ACLY: variants seen among roughly 807,000 people sequenced by gnomAD.
ACLY encodes ATP-citrate synthase.
Under a neutral mutation model 133.0 loss-of-function variants are expected in ACLY, and 41 were observed. The ratio of observed to expected loss-of-function variants is 0.31; its 90% CI spans 0.24 to 0.40. The LOEUF is 0.40. Ranked by LOEUF, ACLY falls within the 10% of genes least tolerant of loss-of-function variation. The probability of loss-of-function intolerance (pLI) is 1.00; values close to 1 mark genes in which losing one functional copy is unlikely to be tolerated. For synonymous variants in ACLY, 495 were observed against 549.3 expected (o/e 0.90, Z 1.38); for missense variants, 1,046 against 1,453.8 (o/e 0.72, Z 4.56).
chr17:41,896,930 C>T (rs373457762), intron 13 of ACLY, among the ~76,000 whole-genome samples: 1 of 152,190 alleles, frequency 6.6e-6, no homozygotes, highest in African/African-American at 2.4e-5. Flanking sequence ...CCAGCGCCTC[C>T]CCCAGGCCCT....
upstream of ACLY, among the ~76,000 whole-genome samples, chr17:41,921,057 C>T (rs1395608513): frequency 6.7e-6 from 1 of 148,626 alleles, no homozygotes; most frequent in African/African-American, 2.5e-5. Context: ...ACCCAGGAGG[C>T]GGAGGTTGCA....
chr17:41,899,521 T>A (rs188829125), intron 11 of ACLY, among the ~76,000 whole-genome samples: 1 of 152,214 alleles, frequency 6.6e-6, no homozygotes, highest in African/African-American at 2.4e-5. Context: ...CTGGCTGCTC[T>A]CTGGTCTCCC....
At chr17:41,871,477 T>G (rs1555625023) in intron 25 of ACLY, among the ~76,000 whole-genome samples, 1 of 151,800 alleles carries the variant, frequency 6.6e-6, no homozygotes, top group Non-Finnish European at 1.5e-5. Flanking sequence ...CTCAGCCTCC[T>G]GAGTAGCTGG....
intron 14 of ACLY, among the ~76,000 whole-genome samples, chr17:41,894,312 G>C (rs2049300008): frequency 6.7e-6 from 1 of 148,440 alleles, no homozygotes; most frequent in African/African-American, 2.5e-5. Context: ...AGGAGGCAGA[G>C]GTTGCGGCGA....
intron 22 of ACLY, among the ~76,000 whole-genome samples, chr17:41,876,135 C>T (rs1302792994): frequency 5.3e-5 from 8 of 150,780 alleles, no homozygotes; most frequent in African/African-American, 2.0e-4. Flanking sequence ...CCCCTCCGCC[C>T]GGCAGCCGCC....
intron 14 of ACLY, among the ~76,000 whole-genome samples, chr17:41,895,087 C>T (rs911031248): frequency 5.3e-5 from 8 of 152,160 alleles, no homozygotes; most frequent in Admixed American, 2.6e-4. Flanking sequence ...ATCCAGTTCT[C>T]CCACTTCCCA....
chr17:41,910,784 G>A (rs1555633537), intron 3 of ACLY, among the ~76,000 whole-genome samples: 9 of 152,212 alleles, frequency 5.9e-5, no homozygotes, highest in Non-Finnish European at 1.5e-5. Context: ...CCACAGGCCT[G>A]CAGAGCTAAT....
intron 2 of ACLY, among the ~76,000 whole-genome samples, chr17:41,912,924 T>A (rs782078832): frequency 6.6e-6 from 1 of 152,212 alleles, no homozygotes; most frequent in Admixed American, 6.5e-5. Context: ...AGACAGAGCC[T>A]TGAGGCAGCA....
In ACLY at chr17:41,897,144, A is replaced by G. The variant is rs114540239; in HGVS notation, c.1430-495T>C. Among the ~76,000 whole-genome samples the G allele has an allele frequency of 4.1e-3, 628 of 152,342 alleles. 3 individuals are homozygous for G. The highest frequency in any genetic ancestry group is 0.014 in the African/African-American group (602 of 41,568). On this transcript the variant is annotated intron_variant, in intron 13 of 28. Coordinates refer to ENST00000352035, the MANE Select transcript of ACLY (RefSeq NM_001096.3). ...CCATAGCAAAGTGTGTCCCAGGAAGAGGCTGCACAGGTATACCAGCCCAGG... is the reference window on the plus strand; with the variant it reads ...CCATAGCAAAGTGTGTCCCAGGAAGGGGCTGCACAGGTATACCAGCCCAGG...
intron 16 of ACLY, among the ~76,000 whole-genome samples, chr17:41,889,558 A>AAAAAAAAAC: frequency 6.7e-6 from 1 of 148,438 alleles, no homozygotes; most frequent in Non-Finnish European, 1.5e-5. Flanking sequence ...AAAAAAAAAG[A>AAAAAAAAAC]AGTAGCTCAT....
chr17:41,919,808 TC>T (rs1374834926), upstream of ACLY, among the ~76,000 whole-genome samples: 1 of 152,194 alleles, frequency 6.6e-6, no homozygotes, highest in Non-Finnish European at 1.5e-5. Flanking sequence ...GATCGAATTT[TC>T]CAAACCAAAA....
chr17:41,871,658 A>G (rs2048601759), intron 25 of ACLY, 31 bp downstream of exon 25: 18 of 1,613,420 alleles, frequency 1.1e-5, no homozygotes, highest in Non-Finnish European at 1.4e-5. Flanking sequence ...CCTGGCCTCC[A>G]TCCCACTTTT....
At chr17:41,873,180 T>G (rs569805593) in intron 23 of ACLY, among the ~76,000 whole-genome samples, 22 of 151,962 alleles carry the variant, frequency 1.4e-4, no homozygotes, top group Admixed American at 1.0e-3. Context: ...AGGTACTTTT[T>G]TTTTTTTTTT....
Position 41,886,114 on chromosome 17 carries a change from G to A in ACLY, c.2070C>T (p.Asp690=). Residue 690 remains aspartate (D), a splice_region_variant and synonymous_variant, in exon 18 of 29, where the codon GAC becomes GAT. Transcript: ENST00000352035. ...TCCTTGGCTTCCCAGCTGATTACCT[G>A]TCCCCACCAATGGCCACGCCCTCAT... is the stretch of plus-strand genomic sequence containing the variant. The part of the protein sequence containing the change: ...GVYEGVAIGG[D]RYPGSTFMDH... 1 of 1,612,256 alleles carries A rather than the reference G, an allele frequency of 6.2e-7. No homozygotes were observed. Among genetic ancestry groups the A allele is most frequent in the Non-Finnish European group, 8.5e-7 (1 of 1,178,706 alleles).
intron 16 of ACLY, among the ~76,000 whole-genome samples, chr17:41,888,989 A>G (rs148241011): frequency 6.6e-6 from 1 of 152,126 alleles, no homozygotes; most frequent in East Asian, 1.9e-4. Flanking sequence ...ATAGTGATGC[A>G]TGCCTGTAAT....
upstream of ACLY, among the ~76,000 whole-genome samples, chr17:41,923,062 T>A (rs932580084): frequency 6.6e-6 from 1 of 152,256 alleles, no homozygotes; most frequent in African/African-American, 2.4e-5. Flanking sequence ...CTGGGTGCAG[T>A]GGCTCACGCC....
intron 5 of ACLY, 77 bp from the exon 6 acceptor site, chr17:41,909,145 T>A: frequency 7.2e-6 from 8 of 1,109,328 alleles, no homozygotes; most frequent in Non-Finnish European, 1.1e-5. Context: ...CCCGCAGCAA[T>A]CTCTCACTGC....
At chr17:41,897,954 C>T in intron 12 of ACLY, 115 bp from the exon 13 acceptor site, 2 of 813,352 alleles carry the variant, frequency 2.5e-6, no homozygotes, top group East Asian at 2.8e-5. Flanking sequence ...CAGCAATGCT[C>T]TTTATAAGCT....
chr17:41,911,490 C>T (rs1362453471), intron 3 of ACLY, among the ~76,000 whole-genome samples: 2 of 152,238 alleles, frequency 1.3e-5, no homozygotes, highest in South Asian at 4.1e-4. Flanking sequence ...CTCTCATCTA[C>T]GTGGTTGAAA....
Sources: allele counts gnomAD v4.1 joint callset (sites outside exome capture counted in the v4.1 genomes callset), GRCh38; gene constraint gnomAD v4.1.1; transcripts MANE v1.5; gene names NCBI Gene and HGNC (gene_info 2026-07-23, HGNC 2026-07-21).